The following NRG3 variants were observed in gnomAD, a reference collection of about 807,000 sequenced individuals.
The protein encoded by NRG3 is neuregulin 3.
In NRG3, 31 loss-of-function variants were observed where a neutral mutation model predicts 66.9. That is an observed-to-expected ratio of 0.46 (90% CI 0.35 to 0.63). NRG3 has a LOEUF of 0.63. Among genes scored for constraint, NRG3 ranks in the 20% least tolerant of loss-of-function variants. NRG3 has a pLI of 0.00. For synonymous variants in NRG3, 393 were observed against 359.4 expected, an observed-to-expected ratio of 1.09 and a Z score of -1.06; for missense variants, 910 against 878.9, an observed-to-expected ratio of 1.04 and a Z score of -0.45.
At chr10:82,801,406 T>C (rs1310887344) in intron 3 of NRG3, among the ~76,000 whole-genome samples, 1 of 152,178 alleles carries the variant, frequency 6.6e-6, no homozygotes, top group Non-Finnish European at 1.5e-5. Flanking sequence ...AACATCTTTC[T>C]TTTTCTTTCT....
chr10:82,762,823 C>T (rs1007657331), intron 3 of NRG3, among the ~76,000 whole-genome samples: 3 of 152,156 alleles, frequency 2.0e-5, no homozygotes, highest in African/African-American at 7.2e-5. Flanking sequence ...AATGTGTGCC[C>T]CAAAACCCAT....
chr10:82,142,441 A>G (rs550334526), intron 1 of NRG3, among the ~76,000 whole-genome samples: 1 of 152,200 alleles, frequency 6.6e-6, no homozygotes, highest in South Asian at 2.1e-4. Context: ...TGAAACCCAG[A>G]GAGGGGATAA....
At chr10:82,802,479 A>G (rs2061084961) in intron 3 of NRG3, among the ~76,000 whole-genome samples, 1 of 152,194 alleles carries the variant, frequency 6.6e-6, no homozygotes. Context: ...ACTAAAAATT[A>G]CAGCAACTGC....
At chr10:82,439,646 G>C (rs149433581) in intron 2 of NRG3, among the ~76,000 whole-genome samples, 384 of 151,850 alleles carry the variant, frequency 2.5e-3, no homozygotes, top group African/African-American at 8.8e-3. Context: ...AATCATTAAA[G>C]CAATTCTGAG....
At chr10:82,682,314 T>A (rs2134129668) in intron 2 of NRG3, among the ~76,000 whole-genome samples, 1 of 152,218 alleles carries the variant, frequency 6.6e-6, no homozygotes, top group East Asian at 1.9e-4. Context: ...TTTGTGAATA[T>A]CACACACTGT....
chr10:82,318,567 A>G (rs560201592), intron 1 of NRG3, among the ~76,000 whole-genome samples: 2 of 152,270 alleles, frequency 1.3e-5, no homozygotes, highest in South Asian at 2.1e-4. Flanking sequence ...TTCTGGCCAT[A>G]GTGACTGTCT....
chr10:82,410,959 A>T lies in NRG3; in HGVS notation c.953+52091A>T, dbSNP rs972980043. ...TATATTTCTGATTTTACTTATCACC[A>T]GATACAAAGGTAACTATTGCAAATC... On this transcript the variant is annotated intron_variant, in intron 2 of 8. Transcript: ENST00000372141. 1.5e-4 allele frequency among the ~76,000 whole-genome samples: 23 copies of T among 152,180 alleles called. 1 individual carries two copies. The highest frequency in any genetic ancestry group is 4.3e-4 in the African/African-American group (18 of 41,462).
intron 1 of NRG3, among the ~76,000 whole-genome samples, chr10:82,097,978 T>C (rs961079580): frequency 6.6e-6 from 1 of 151,960 alleles, no homozygotes; most frequent in Non-Finnish European, 1.5e-5. Context: ...TGAAAGTAGT[T>C]ATTGTTAAGT....
intron 1 of NRG3, among the ~76,000 whole-genome samples, chr10:82,357,822 C>G (rs987064753): frequency 6.6e-6 from 1 of 152,168 alleles, no homozygotes; most frequent in Non-Finnish European, 1.5e-5. Flanking sequence ...TATAATATCC[C>G]ATGCTTGAAT....
At chr10:82,944,442 A>C (rs1167282346) in intron 4 of NRG3, among the ~76,000 whole-genome samples, 1 of 152,328 alleles carries the variant, frequency 6.6e-6, no homozygotes, top group Non-Finnish European at 1.5e-5. Context: ...ACAATTAAGT[A>C]AAATGGAATT....
chr10:82,495,318 G>A (rs1310498451), intron 2 of NRG3, among the ~76,000 whole-genome samples: 1 of 152,004 alleles, frequency 6.6e-6, no homozygotes, highest in Non-Finnish European at 1.5e-5. Flanking sequence ...TGACCCTTCT[G>A]GCATTATAAT....
At chr10:82,610,542 A>T (rs961540242) in intron 2 of NRG3, among the ~76,000 whole-genome samples, 4 of 152,176 alleles carry the variant, frequency 2.6e-5, no homozygotes, top group African/African-American at 9.7e-5. Flanking sequence ...CTCAGTGTTC[A>T]TTATTGTCCA....
chr10:82,378,905 TG>T, intron 2 of NRG3, among the ~76,000 whole-genome samples: 1 of 152,210 alleles, frequency 6.6e-6, no homozygotes, highest in Middle Eastern at 3.4e-3. Context: ...TCTCCTTCTA[TG>T]GCCTGGTGTG....
chr10:82,715,146 G>C (rs2056898250), intron 2 of NRG3, among the ~76,000 whole-genome samples: 1 of 152,104 alleles, frequency 6.6e-6, no homozygotes, highest in Non-Finnish European at 1.5e-5. Flanking sequence ...TGTAATCCCA[G>C]CAATTTGGGA....
At chr10:82,265,151 G>A (rs892793769) in intron 1 of NRG3, among the ~76,000 whole-genome samples, 2 of 152,126 alleles carry the variant, frequency 1.3e-5, no homozygotes, top group African/African-American at 4.8e-5. Context: ...CAAAATTGGG[G>A]CCGCCAGTGC....
chr10:82,173,896 A>G (rs1247269083), intron 1 of NRG3, among the ~76,000 whole-genome samples: 5 of 152,094 alleles, frequency 3.3e-5, no homozygotes, highest in Admixed American at 2.6e-4. Context: ...CCTTTAAAGT[A>G]ATTTATTTGC....
intron 2 of NRG3, among the ~76,000 whole-genome samples, chr10:82,570,971 T>G (rs1033331541): frequency 1.3e-5 from 2 of 151,664 alleles, no homozygotes; most frequent in African/African-American, 4.8e-5. Context: ...AAATTCCCCT[T>G]TTCTGTGCTT....
At chr10:82,497,979 C>T (rs1179418155) in intron 2 of NRG3, among the ~76,000 whole-genome samples, 3 of 152,044 alleles carry the variant, frequency 2.0e-5, no homozygotes, top group Non-Finnish European at 4.4e-5. Flanking sequence ...CATATCTCTG[C>T]TGACTAGTGA....
intron 2 of NRG3, among the ~76,000 whole-genome samples, chr10:82,386,963 CT>C (rs1234479925): frequency 6.6e-6 from 1 of 152,062 alleles, no homozygotes; most frequent in Non-Finnish European, 1.5e-5. Flanking sequence ...ACACGCCCAG[CT>C]AATTTTTGTA....
Sources: allele counts gnomAD v4.1 joint callset (sites outside exome capture counted in the v4.1 genomes callset), GRCh38; gene constraint gnomAD v4.1.1; transcripts MANE v1.5; gene names NCBI Gene and HGNC (gene_info 2026-07-23, HGNC 2026-07-21).